ZMIZ1: variants seen among roughly 807,000 people sequenced by gnomAD.
ZMIZ1 encodes the protein zinc finger MIZ domain-containing protein 1.
In ZMIZ1, 17 loss-of-function variants were observed where a neutral mutation model predicts 113.9. The ratio of observed to expected loss-of-function variants is 0.15; its 90% CI spans 0.10 to 0.22. ZMIZ1 has a LOEUF of 0.22. Among genes scored for constraint, ZMIZ1 ranks in the 10% least tolerant of loss-of-function variants. The probability of loss-of-function intolerance (pLI) is 1.00; values close to 1 mark genes in which losing one functional copy is unlikely to be tolerated. For synonymous variants in ZMIZ1, 607 were observed against 603.1 expected (o/e 1.01, Z -0.09); for missense variants, 1,059 against 1,477.8 (o/e 0.72, Z 4.65).
chr10:79,281,446 A>G (rs1409224912), intron 8 of ZMIZ1, among the ~76,000 whole-genome samples: 2 of 152,182 alleles, frequency 1.3e-5, no homozygotes, highest in African/African-American at 2.4e-5. Flanking sequence ...GTTGCATTCT[A>G]TGAATTCAAG....
intron 14 of ZMIZ1, among the ~76,000 whole-genome samples, chr10:79,298,046 C>T (rs1039853077): frequency 1.3e-5 from 2 of 152,178 alleles, no homozygotes; most frequent in African/African-American, 2.4e-5. Context: ...CCCACCTGCT[C>T]GGGTGACAGG....
rs901758617 is a variant in ZMIZ1, at chr10:79,316,090, G to A, written c.*3341G>A. 6.5e-6 allele frequency: 1 copy of A among 152,704 alleles called. No homozygotes were observed. Among genetic ancestry groups the A allele is most frequent in the African/African-American group, 2.4e-5 (1 of 41,408 alleles). The allele number at this position is 152,704 out of a possible 1,614,324, so 9.5% of individuals were successfully genotyped here. A position where few individuals can be genotyped will look rare whatever the true frequency, so the allele number is the denominator to read the frequency against. On this transcript the variant is annotated 3_prime_UTR_variant, in exon 25 of 25. Transcript: ENST00000334512. ...CTATGGAAATAATGAAAAGAAACGG[G>A]GATTTCAGAAGAAAATTGTAACCAA...
At position 79,306,166 on chromosome 10, in the gene ZMIZ1, C is replaced by T; in HGVS notation, c.2490C>T (p.Asp830=). Residue 830 remains aspartate, a synonymous_variant, in exon 22 of 25, where the codon GAC becomes GAT. Transcript: ENST00000334512. ...GGCGGCCGGTGCCCATCAAGTCGGA[C>T]TTACACATCAAGGACGACCCTGATG... ...CSWRPVPIKS[D]LHIKDDPDGI... 1 of 1,614,106 alleles carries T rather than the reference C, an allele frequency of 6.2e-7. No individual in the cohort carries two copies. The highest frequency in any genetic ancestry group is 1.1e-5 in the South Asian group (1 of 91,086).
chr10:79,238,352 G>T (rs1193419153), intron 7 of ZMIZ1, among the ~76,000 whole-genome samples: 1 of 152,242 alleles, frequency 6.6e-6, no homozygotes, highest in African/African-American at 2.4e-5. Flanking sequence ...GGTCCAGGAT[G>T]AGTGGCCCTG....
intron 2 of ZMIZ1, among the ~76,000 whole-genome samples, chr10:79,132,965 C>G (rs372206330): frequency 6.6e-6 from 1 of 152,152 alleles, no homozygotes; most frequent in Non-Finnish European, 1.5e-5. Context: ...AATGACCTGT[C>G]GACCTGGCCC....
At chr10:79,097,029 C>T (rs1843190117) in intron 1 of ZMIZ1, among the ~76,000 whole-genome samples, 1 of 152,196 alleles carries the variant, frequency 6.6e-6, no homozygotes, top group Admixed American at 6.5e-5. Flanking sequence ...TCCCATGTGG[C>T]TCGGGGATGA....
intron 8 of ZMIZ1, among the ~76,000 whole-genome samples, chr10:79,281,908 C>G (rs575524207): frequency 6.6e-6 from 1 of 152,322 alleles, no homozygotes; most frequent in Admixed American, 6.5e-5. Context: ...TCAGGGTCAA[C>G]GAGGTGGTAT....
intron 7 of ZMIZ1, among the ~76,000 whole-genome samples, chr10:79,270,205 C>T (rs922081558): frequency 6.6e-5 from 10 of 152,234 alleles, no homozygotes; most frequent in African/African-American, 9.6e-5. Context: ...TTCCCCCTAA[C>T]GGACAGACAG....
intron 6 of ZMIZ1, 26 bp from the exon 7 acceptor site, chr10:79,216,143 C>T (rs781256771): frequency 6.9e-7 from 1 of 1,458,546 alleles, no homozygotes; most frequent in South Asian, 1.4e-5. Context: ...CGTGACTCAC[C>T]TGCCCTCCTC....
chr10:79,292,669 A>C, intron 11 of ZMIZ1: 1 of 487,970 alleles, frequency 2.0e-6, no homozygotes, highest in South Asian at 1.8e-5. Context: ...TGGGCCCCCA[A>C]CTCACCAAGG....
At chr10:79,151,954 C>T (rs1211417242) in intron 3 of ZMIZ1, among the ~76,000 whole-genome samples, 5 of 152,136 alleles carry the variant, frequency 3.3e-5, no homozygotes, top group African/African-American at 4.8e-5. Flanking sequence ...TGCCTCATCT[C>T]GCCCGCCGCC....
intron 7 of ZMIZ1, among the ~76,000 whole-genome samples, chr10:79,231,582 G>T (rs1035659706): frequency 5.4e-5 from 8 of 148,552 alleles, no homozygotes; most frequent in Non-Finnish European, 1.0e-4. Flanking sequence ...TTTGTTTTTT[G>T]TTTTTTTTTG....
In ZMIZ1 at chr10:79,312,864, TGTGGGGCGGGGA is replaced by T; in HGVS notation, c.*117_*128del. On this transcript the variant is annotated 3_prime_UTR_variant, in exon 25 of 25. Coordinates refer to ENST00000334512, the MANE Select transcript of ZMIZ1 (RefSeq NM_020338.4). ...ACCGCCCCGCACCAGAGCCACGGGC[TGTGGGGCGGGGA>T]GCCCTCCCCCGCTGCAGCCCTCTCA... 1.0e-6 allele frequency: 1 copy of T among 975,158 alleles called. No individual in the cohort carries two copies. Among genetic ancestry groups the T allele is most frequent in the Non-Finnish European group, 1.5e-6 (1 of 650,822 alleles). The allele number at this position is 975,158 out of a possible 1,614,324, so 60.4% of individuals were successfully genotyped here.
intron 13 of ZMIZ1, among the ~76,000 whole-genome samples, chr10:79,297,153 ATATTT>A (rs1462284672): frequency 6.6e-6 from 1 of 152,328 alleles, no homozygotes; most frequent in East Asian, 1.9e-4. Flanking sequence ...TCACCATATC[ATATTT>A]TATTATTCCT....
In ZMIZ1 at chr10:79,201,703, G is replaced by T. The variant is rs755488350; in HGVS notation, c.60+11G>T. ...CAGTGCATCAAGCAGGTGGGTGTGGGGCAAGGCACACTCCGAGGGCGGGGC... is the reference window on the plus strand; with the variant it reads ...CAGTGCATCAAGCAGGTGGGTGTGGTGCAAGGCACACTCCGAGGGCGGGGC... On this transcript the variant is annotated intron_variant, in intron 5 of 24. Transcript: ENST00000334512. 2 of 1,612,506 alleles carry T rather than the reference G, an allele frequency of 1.2e-6. No homozygotes were observed. The highest frequency in any genetic ancestry group is 1.7e-6 in the Non-Finnish European group (2 of 1,179,786).
intron 1 of ZMIZ1, among the ~76,000 whole-genome samples, chr10:79,098,257 G>T (rs1392285519): frequency 2.0e-5 from 3 of 152,192 alleles, no homozygotes; most frequent in Non-Finnish European, 4.4e-5. Flanking sequence ...GTTTATGCGG[G>T]AGTGAGGACT....
rs1842166692 is a variant in ZMIZ1 at position 79,069,348 on chromosome 10, C to T, written c.-337+78C>T. 6.6e-6 allele frequency: 1 copy of T among 150,450 alleles called. No homozygotes were observed. Among genetic ancestry groups the T allele is most frequent in the Admixed American group, 6.6e-5 (1 of 15,140 alleles). 9.3% of individuals were successfully genotyped at this position (150,450 alleles called of 1,614,324 possible). ...TCCCCGGGGACTCTCGGGGTGCAAG[C>T]GTGGGGATTGGGTGCTGGGGTTTTT... On this transcript the variant is annotated intron_variant, in intron 1 of 24. Coordinates refer to ENST00000334512, the MANE Select transcript of ZMIZ1 (RefSeq NM_020338.4). The surrounding 1 kb of genome is among the most constrained non-coding windows in gnomAD (Gnocchi z 4.6).
At chr10:79,078,353 C>T (rs1032549705) in intron 1 of ZMIZ1, among the ~76,000 whole-genome samples, 7 of 152,086 alleles carry the variant, frequency 4.6e-5, no homozygotes, top group Non-Finnish European at 1.0e-4. Context: ...CCCTCCGAGC[C>T]TCAGTTTCCT....
At chr10:79,106,483 A>T (rs1083787) in intron 1 of ZMIZ1, among the ~76,000 whole-genome samples, 17 of 152,198 alleles carry the variant, frequency 1.1e-4, no homozygotes, top group Non-Finnish European at 2.2e-4. Context: ...TTTGTGACTC[A>T]TATGCTCCCC....
Sources: gnomAD v4.1 joint callset for allele counts (sites outside exome capture counted in the v4.1 genomes callset) on GRCh38, gnomAD v4.1.1 for gene constraint, Gnocchi (gnomAD v3.1) non-coding constraint, MANE v1.5 for transcripts, NCBI Gene and HGNC (gene_info 2026-07-23, HGNC 2026-07-21) for gene names.